NWD1: variants seen among roughly 807,000 people sequenced by gnomAD.
NWD1 encodes NACHT and WD repeat domain containing 1, also known as NACHT domain- and WD repeat-containing protein 1.
A neutral mutation model predicts 135.1 loss-of-function variants in NWD1; 129 were observed. The observed-to-expected ratio is 0.96, with a 90% CI of 0.83 to 1.11. The LOEUF (loss-of-function observed/expected upper bound fraction) is 1.11. NWD1 is among the 50% of genes least tolerant of loss of function. NWD1 has a pLI of 0.00. For synonymous variants in NWD1, 773 were observed against 786.0 expected (o/e 0.98, Z 0.28); for missense variants, 1,740 against 1,851.3 (o/e 0.94, Z 1.10).
At chr19:16,723,090 G>A (rs1284105995) in intron 1 of NWD1, among the ~76,000 whole-genome samples, 1 of 151,988 alleles carries the variant, frequency 6.6e-6, no homozygotes, top group African/African-American at 2.4e-5. Context: ...GTCTCTCTCT[G>A]TTGCCCAGTG....
intron 11 of NWD1, among the ~76,000 whole-genome samples, chr19:16,775,182 A>G (rs1312840226): frequency 6.6e-6 from 1 of 152,034 alleles, no homozygotes; most frequent in Non-Finnish European, 1.5e-5. Context: ...CACTAAGTAC[A>G]ATGCATGGAG....
chr19:16,796,548 G>A (rs1196559747), intron 15 of NWD1, among the ~76,000 whole-genome samples: 1 of 152,164 alleles, frequency 6.6e-6, no homozygotes, highest in Non-Finnish European at 1.5e-5. Flanking sequence ...TGGTTCAAAG[G>A]TACAGTTTCA....
At chr19:16,768,833 TG>T (rs1969317840) in intron 10 of NWD1, among the ~76,000 whole-genome samples, 1 of 152,202 alleles carries the variant, frequency 6.6e-6, no homozygotes, top group Non-Finnish European at 1.5e-5. Flanking sequence ...TTAAAAAGGA[TG>T]ACCAGTGGCC....
chr19:16,765,239 T>A, intron 10 of NWD1, 47 bp downstream of exon 10: 1 of 1,566,366 alleles, frequency 6.4e-7, no homozygotes, highest in Non-Finnish European at 8.7e-7. Flanking sequence ...GGGCACTGAC[T>A]TCTAGAAACA....
Position 16,749,667 on chromosome 19 carries a change from C to A in NWD1, c.1025C>A (p.Pro342His). The A allele has an allele frequency of 2.5e-6, 4 of 1,600,390 alleles. No homozygotes were observed. The South Asian group carries it at 3.3e-5, about 13-fold the overall frequency. The change falls in exon 6 of 19, where the codon CCC (proline) becomes CAC (histidine). Residue 342 changes from proline to histidine, a missense_variant. Pro to His is a moderately conservative substitution (Grantham distance 77). Transcript: ENST00000524140. Reference protein sequence around the residue: ...KQHTPLVLFGPPGIGKTALMC... With the variant: ...KQHTPLVLFGHPGIGKTALMC... ...CACACCCCCCTGGTACTCTTTGGGC[C>A]CCCAGGCATTGGAAAGACAGCCCTG...
At chr19:16,745,140 G>A in intron 5 of NWD1, 1 of 453,660 alleles carries the variant, frequency 2.2e-6, no homozygotes, top group South Asian at 1.6e-5. Context: ...CATCTTACAT[G>A]GTGGCAGGTA....
At chr19:16,735,824 A>C (rs1967776233) in intron 3 of NWD1, among the ~76,000 whole-genome samples, 1 of 58,324 alleles carries the variant, frequency 1.7e-5, no homozygotes, top group South Asian at 4.2e-4. Flanking sequence ...GAAGGAAGGA[A>C]GGAAAGAAGG....
chr19:16,772,388 G>A (rs1486429541), intron 10 of NWD1, among the ~76,000 whole-genome samples: 6 of 151,992 alleles, frequency 3.9e-5, no homozygotes, highest in Admixed American at 2.0e-4. Flanking sequence ...AGCCAGGCGC[G>A]GTGGCTCATG....
chr19:16,774,074 C>A (rs1175157215), intron 11 of NWD1, among the ~76,000 whole-genome samples: 1 of 151,722 alleles, frequency 6.6e-6, no homozygotes, highest in Admixed American at 6.6e-5. Context: ...ATCCATCCAT[C>A]CACCGTCCTC....
At chr19:16,726,662 C>T (rs1479174289) in intron 2 of NWD1, among the ~76,000 whole-genome samples, 2 of 152,132 alleles carry the variant, frequency 1.3e-5, no homozygotes, top group African/African-American at 4.8e-5. Flanking sequence ...CTGGTTTGAA[C>T]TCCTAACCTC....
At position 16,779,393 on chromosome 19, in the gene NWD1, AC is replaced by A; in HGVS notation, c.2662del (p.Gln888ArgfsTer15). The A allele has an allele frequency of 6.2e-7, 1 of 1,613,844 alleles. No individual in the cohort carries two copies. Among genetic ancestry groups the A allele is most frequent in the Non-Finnish European group, 8.5e-7 (1 of 1,179,942 alleles). ...GGAGGAGAAGCTGCTGGTGATTGGC[AC>A]CCAGGATGGCATCATGGCTGTGTGG... is the stretch of plus-strand genomic sequence containing the variant. ...GVEEKLLVIG[T>X]QDGIMAVWDM... On this transcript the variant is annotated frameshift_variant, in exon 12 of 19. Transcript: ENST00000524140. LOFTEE classifies it high-confidence loss of function.
At position 16,744,569 on chromosome 19, in the gene NWD1, C is replaced by T. The variant is rs747392538; in HGVS notation, c.347C>T (p.Pro116Leu). Residue 116 changes from proline (P) to leucine (L), a missense_variant, in exon 5 of 19, where the codon CCT becomes CTT. Coordinates refer to ENST00000524140, the MANE Select transcript of NWD1 (RefSeq NM_001007525.5). ...TTCCAGAGGGACGAGAATGCGTTTCCTCCCACCTACGTCCTGCAGGCACCA... is the reference window on the plus strand; with the variant it reads ...TTCCAGAGGGACGAGAATGCGTTTCTTCCCACCTACGTCCTGCAGGCACCA... Reference protein sequence around the residue: ...RYFQRDENAFPPTYVLQAPGT... With the variant: ...RYFQRDENAFLPTYVLQAPGT... 5 of 1,535,262 alleles carry T rather than the reference C, an allele frequency of 3.3e-6. No homozygotes were observed. The East Asian group carries it at 7.3e-5, about 23-fold the overall frequency.
At chr19:16,778,171 A>G (rs1490058430) in intron 11 of NWD1, among the ~76,000 whole-genome samples, 2 of 152,114 alleles carry the variant, frequency 1.3e-5, no homozygotes, top group East Asian at 1.9e-4. Context: ...ACACATGTGG[A>G]AGAGGCACAC....
intron 16 of NWD1, 28 bp from the exon 17 acceptor site, chr19:16,799,858 G>C (rs750685087): frequency 6.4e-7 from 1 of 1,563,782 alleles, no homozygotes; most frequent in Admixed American, 1.9e-5. Context: ...GAAGATGTCA[G>C]ATCTGCCCTC....
chr19:16,723,814 G>A (rs1233328562), intron 1 of NWD1, among the ~76,000 whole-genome samples: 1 of 151,996 alleles, frequency 6.6e-6, no homozygotes, highest in Non-Finnish European at 1.5e-5. Context: ...TCGTGTCTGA[G>A]CCCCCCACGT....
At chr19:16,745,797 G>A (rs970642666) in intron 5 of NWD1, among the ~76,000 whole-genome samples, 1 of 151,890 alleles carries the variant, frequency 6.6e-6, no homozygotes, top group African/African-American at 2.4e-5. Context: ...CATGCCTGTA[G>A]CCCCAGCTAC....
chr19:16,759,002 T>TA (rs1968899665), intron 6 of NWD1, among the ~76,000 whole-genome samples: 1 of 28,656 alleles, frequency 3.5e-5, no homozygotes, highest in Admixed American at 7.2e-4. Flanking sequence ...AAACTCTGTC[T>TA]CAAAAAAAAA....
At chr19:16,799,830 G>T in intron 16 of NWD1, 56 bp from the exon 17 acceptor site, 1 of 1,507,406 alleles carries the variant, frequency 6.6e-7, no homozygotes, top group South Asian at 1.3e-5. Flanking sequence ...GCGTATTTCT[G>T]AACTATAGTT....
chr19:16,807,721 T>C lies in NWD1; in HGVS notation c.3872T>C (p.Ile1291Thr). The C allele has an allele frequency of 6.2e-7, 1 of 1,613,754 alleles. No homozygotes were observed. The highest frequency in any genetic ancestry group is 8.5e-7 in the Non-Finnish European group (1 of 1,179,832). ...CCCCTGAATTCCAGGCAGGACGTGA[T>C]ATGCATTCCCCCTCCCGAGGCCCGG... ...VFPLNSRQDV[I>T]CIPPPEARKA... The change falls in exon 18 of 19, where the codon ATA (isoleucine) becomes ACA (threonine). Residue 1291 changes from isoleucine (I) to threonine (T), a missense_variant. Physicochemically the swap from Ile to Thr is moderately conservative, Grantham distance 89. Transcript: ENST00000524140.
Sources: allele counts gnomAD v4.1 joint callset (sites outside exome capture counted in the v4.1 genomes callset), GRCh38; gene constraint gnomAD v4.1.1; transcripts MANE v1.5; gene names NCBI Gene and HGNC (gene_info 2026-07-23, HGNC 2026-07-21).